Variants in FMN2 observed in about 807,000 individuals in gnomAD.
FMN2 encodes formin 2, also known as formin-2.
A neutral mutation model predicts 142.3 loss-of-function variants in FMN2; 51 were observed. The ratio of observed to expected loss-of-function variants is 0.36; its 90% CI spans 0.29 to 0.45. The LOEUF (loss-of-function observed/expected upper bound fraction) is 0.45. Ranked by LOEUF, FMN2 falls within the 20% of genes least tolerant of loss-of-function variation. The pLI is 1.00. For missense variants in FMN2, 1,936 were observed against 2,122.8 expected (o/e 0.91, Z 1.73); for synonymous variants, 882 against 869.8 (o/e 1.01, Z -0.25).
chr1:240,143,569 T>G, intron 2 of FMN2: 1 of 1,605,900 alleles, frequency 6.2e-7, no homozygotes, highest in Admixed American at 1.7e-5. Flanking sequence ...CTTCAGCACA[T>G]TCCCAGAGCC....
chr1:240,147,554 A>G (rs1017605857), intron 2 of FMN2, among the ~76,000 whole-genome samples: 4 of 152,118 alleles, frequency 2.6e-5, no homozygotes, highest in African/African-American at 4.8e-5. Flanking sequence ...GTGCAATGGA[A>G]CAATCATAGC....
intron 1 of FMN2, among the ~76,000 whole-genome samples, chr1:240,099,343 A>AT (rs1395763354): frequency 6.9e-6 from 1 of 145,974 alleles, no homozygotes; most frequent in Non-Finnish European, 1.5e-5. Context: ...TTTATGTATT[A>AT]TTTTTTCTTT....
chr1:240,220,667 T>TGTGTGTG lies in FMN2; in HGVS notation c.4065+9432_4065+9433insGTGTGTG, dbSNP rs1558375225. Among the ~76,000 whole-genome samples the TGTGTGTG allele has an allele frequency of 1.7e-4, 26 of 149,196 alleles. No homozygotes were observed. In the South Asian group the frequency reaches 3.2e-3, roughly 19 times the overall value. Reference sequence around the variant, plus strand: ...AAGCTTCACTGGCATGAGTCTGTGTTTGTGTGTGTGTGTGTGTGTGTGTGT... The same window carrying TGTGTGTG: ...AAGCTTCACTGGCATGAGTCTGTGTTGTGTGTGTGTGTGTGTGTGTGTGTGTGTGTGT... On this transcript the variant is annotated intron_variant, in intron 6 of 17. Coordinates refer to ENST00000319653, the MANE Select transcript of FMN2 (RefSeq NM_020066.5).
At chr1:240,327,595 C>CT (rs1671213432) in intron 8 of FMN2, among the ~76,000 whole-genome samples, 1 of 152,018 alleles carries the variant, frequency 6.6e-6, no homozygotes, top group Non-Finnish European at 1.5e-5. Flanking sequence ...TATTTTGGCT[C>CT]TTTTAATACA....
chr1:240,189,092 T>C (rs1198666658), intron 4 of FMN2, among the ~76,000 whole-genome samples: 2 of 151,362 alleles, frequency 1.3e-5, no homozygotes, highest in Non-Finnish European at 2.9e-5. Context: ...AGCCAAACCA[T>C]ATCAGTTACC....
At chr1:240,139,441 G>T (rs998561318) in intron 2 of FMN2, among the ~76,000 whole-genome samples, 2 of 152,200 alleles carry the variant, frequency 1.3e-5, no homozygotes, top group Admixed American at 6.5e-5. Context: ...ACTCTTCAGT[G>T]TGTAGATGAT....
At chr1:240,160,431 C>T (rs1664230593) in intron 2 of FMN2, among the ~76,000 whole-genome samples, 2 of 150,174 alleles carry the variant, frequency 1.3e-5, no homozygotes, top group South Asian at 4.2e-4. Flanking sequence ...CATTTAAAAG[C>T]CACATATTTT....
chr1:240,103,970 A>G (rs189185814), intron 1 of FMN2, among the ~76,000 whole-genome samples: 5,868 of 151,568 alleles, frequency 0.039, 394 homozygotes, highest in African/African-American at 0.13. Flanking sequence ...TCCGCCTCCC[A>G]GGTTCACGCC....
chr1:240,160,955 TA>T (rs920626152), intron 2 of FMN2, among the ~76,000 whole-genome samples: 1 of 152,054 alleles, frequency 6.6e-6, no homozygotes, highest in Non-Finnish European at 1.5e-5. Flanking sequence ...TAAAAATACT[TA>T]AAAAATAATA....
intron 4 of FMN2, among the ~76,000 whole-genome samples, chr1:240,206,276 G>A (rs961429563): frequency 1.1e-4 from 16 of 152,064 alleles, no homozygotes; most frequent in African/African-American, 3.1e-4. Context: ...AAATATTAAA[G>A]TTCTAGTAAA....
rs1666384308 is a variant in FMN2, at chr1:240,207,089, T to C, written c.2277T>C (p.Pro759=). The stretch of plus-strand genomic sequence containing the variant: ...AGGGCGGGGTGCTGACACTGCCTCC[T>C]GTGGATGGGCTGCCAGGGCGTCCTC... ...TEEGGVLTLP[P]VDGLPGRPPC... is the part of the protein sequence containing the mutation. The change falls in exon 5 of 18, where the codon CCT becomes CCC. Residue 759 remains proline, a synonymous_variant. Coordinates refer to ENST00000319653, the MANE Select transcript of FMN2 (RefSeq NM_020066.5). 6.2e-7 allele frequency: 1 copy of C among 1,614,100 alleles called. No homozygotes were observed. Among genetic ancestry groups the C allele is most frequent in the Non-Finnish European group, 8.5e-7 (1 of 1,179,998 alleles).
At chr1:240,195,913 CAA>C (rs1405761716) in intron 4 of FMN2, among the ~76,000 whole-genome samples, 3 of 152,008 alleles carry the variant, frequency 2.0e-5, no homozygotes, top group African/African-American at 7.3e-5. Flanking sequence ...GAGGCTGAGA[CAA>C]GAGGATCACC....
In FMN2 at chr1:240,092,044, G is replaced by T; in HGVS notation, c.-66G>T. ...CGGGAGACTCCCTAGGCCCGGACCT[G>T]GGGCCGAGGAGGGCCGGGATGGCCT... On this transcript the variant is annotated 5_prime_UTR_variant, in exon 1 of 18. Transcript: ENST00000319653. 1 of 1,492,322 alleles carries T rather than the reference G, an allele frequency of 6.7e-7. No individual in the cohort carries two copies. Among genetic ancestry groups the T allele is most frequent in the Non-Finnish European group, 8.9e-7 (1 of 1,125,436 alleles). The allele number at this position is 1,492,322 out of a possible 1,614,324, so 92.4% of individuals were successfully genotyped here.
At chr1:240,139,068 A>T (rs1303947815) in intron 2 of FMN2, among the ~76,000 whole-genome samples, 1 of 152,188 alleles carries the variant, frequency 6.6e-6, no homozygotes, top group Admixed American at 6.5e-5. Context: ...AGATCAGAGC[A>T]TTTGCATTTC....
At chr1:240,282,935 T>G (rs1354846875) in intron 7 of FMN2, among the ~76,000 whole-genome samples, 2 of 152,196 alleles carry the variant, frequency 1.3e-5, no homozygotes, top group Non-Finnish European at 2.9e-5. Context: ...GTTTTTAATG[T>G]AACTGCCCAG....
At chr1:240,296,020 A>G (rs1181556093) in intron 8 of FMN2, among the ~76,000 whole-genome samples, 1 of 152,154 alleles carries the variant, frequency 6.6e-6, no homozygotes, top group Non-Finnish European at 1.5e-5. Flanking sequence ...ATCAAATGCT[A>G]TTATTATCAC....
chr1:240,189,571 A>C (rs1202382827), intron 4 of FMN2, among the ~76,000 whole-genome samples: 3 of 152,226 alleles, frequency 2.0e-5, no homozygotes, highest in Non-Finnish European at 2.9e-5. Flanking sequence ...TGGAGGAGAA[A>C]TTGGGGTACA....
At chr1:240,189,908 A>C in intron 4 of FMN2, among the ~76,000 whole-genome samples, 1 of 152,198 alleles carries the variant, frequency 6.6e-6, no homozygotes, top group East Asian at 1.9e-4. Flanking sequence ...GCATGGCTAA[A>C]TTGTGATTTA....
intron 2 of FMN2, among the ~76,000 whole-genome samples, chr1:240,151,534 G>T (rs554915401): frequency 1.3e-5 from 2 of 152,068 alleles, no homozygotes; most frequent in Non-Finnish European, 2.9e-5. Context: ...TGTAAGCTCC[G>T]GTGTGGGCGA....
Sources: allele counts gnomAD v4.1 joint callset (sites outside exome capture counted in the v4.1 genomes callset), GRCh38; gene constraint gnomAD v4.1.1; transcripts MANE v1.5; gene names NCBI Gene and HGNC (gene_info 2026-07-23, HGNC 2026-07-21).